NFILZ: variants seen among roughly 807,000 people sequenced by gnomAD.
NFILZ encodes the protein NFIL3 like basic leucine zipper.
At position 8,681,079 on chromosome 19, in the gene NFILZ, G is replaced by A. The variant is rs968800855; in HGVS notation, c.*3444G>A. 6.6e-6 allele frequency among the ~76,000 whole-genome samples: 1 copy of A among 152,098 alleles called. No homozygotes were observed. The highest frequency in any genetic ancestry group is 2.4e-5 in the African/African-American group (1 of 41,406). ...GGGGGACGTTTCCAAGTATATTTCTGTTGTAGTTCTCCCCTTACCTCCATC... is the reference window on the plus strand; with the variant it reads ...GGGGGACGTTTCCAAGTATATTTCTATTGTAGTTCTCCCCTTACCTCCATC... On this transcript the variant is annotated 3_prime_UTR_variant, in exon 6 of 6. Coordinates refer to ENST00000691075, the MANE Select transcript of NFILZ (RefSeq NM_001378600.1).
intron 3 of NFILZ, among the ~76,000 whole-genome samples, chr19:8,637,928 A>AAAAAAAAAAAAAAAAC: frequency 6.7e-6 from 1 of 149,292 alleles, no homozygotes; most frequent in African/African-American, 2.5e-5. Flanking sequence ...AAAAAAAAAA[A>AAAAAAAAAAAAAAAAC]AAAAAAGAAA....
chr19:8,658,813 A>C (rs2043016652), intron 3 of NFILZ, among the ~76,000 whole-genome samples: 1 of 152,212 alleles, frequency 6.6e-6, no homozygotes, highest in African/African-American at 2.4e-5. Flanking sequence ...TGCTGGGCGC[A>C]GTGGCTCATG....
intron 3 of NFILZ, among the ~76,000 whole-genome samples, chr19:8,642,648 C>T (rs2918319): frequency 0.015 from 2,246 of 152,098 alleles, 43 homozygotes; most frequent in African/African-American, 0.046. Flanking sequence ...GTGGCCTCTC[C>T]GGTGGGCTTG....
chr19:8,663,734 G>GTGTGTGTGTATGTGTGTGTA, intron 3 of NFILZ, among the ~76,000 whole-genome samples: 1 of 110,648 alleles, frequency 9.0e-6, no homozygotes, highest in African/African-American at 3.1e-5. Flanking sequence ...GTGTGTGTGT[G>GTGTGTGTGTATGTGTGTGTA]TGTGTGTGTG....
intron 3 of NFILZ, among the ~76,000 whole-genome samples, chr19:8,658,890 C>T (rs2043016980): frequency 6.6e-6 from 1 of 152,018 alleles, no homozygotes; most frequent in African/African-American, 2.4e-5. Context: ...GTCGAGGCTG[C>T]AGTGAGGTAT....
intron 3 of NFILZ, among the ~76,000 whole-genome samples, chr19:8,645,469 C>T (rs147320818): frequency 4.9e-4 from 75 of 152,106 alleles, no homozygotes; most frequent in African/African-American, 1.7e-3. Context: ...TCATGTTGTC[C>T]CCAGCCTCAG....
Position 8,656,477 on chromosome 19 carries a change from TCCC to T in NFILZ, c.-163-18073_-163-18071del. On this transcript the variant is annotated intron_variant, in intron 3 of 5. Coordinates refer to ENST00000691075, the MANE Select transcript of NFILZ (RefSeq NM_001378600.1). ...CACCTTCTCTCTGAAGCCCACCTTC[TCCC>T]GCAGCCCACCTTCTCCCGCAGCCCA... Among the ~76,000 whole-genome samples the T allele has an allele frequency of 5.8e-5, 2 of 34,420 alleles. 1 individual carries two copies. Among genetic ancestry groups the T allele is most frequent in the Admixed American group, 6.2e-4 (2 of 3,240 alleles). The allele number at this position is 34,420 out of a possible 152,430, so 22.6% of individuals were successfully genotyped here.
intron 2 of NFILZ, among the ~76,000 whole-genome samples, chr19:8,632,986 G>A (rs1555745718): frequency 6.7e-6 from 1 of 148,978 alleles, no homozygotes; most frequent in Non-Finnish European, 1.5e-5. Flanking sequence ...GCCTCCCAAA[G>A]TGCTGGGATT....
intron 3 of NFILZ, among the ~76,000 whole-genome samples, chr19:8,662,089 C>T (rs1264709972): frequency 1.3e-5 from 2 of 151,812 alleles, no homozygotes; most frequent in Non-Finnish European, 2.9e-5. Flanking sequence ...CCTGTAGTCC[C>T]GGCTACTTGG....
At chr19:8,651,256 G>C (rs2146147355) in intron 3 of NFILZ, among the ~76,000 whole-genome samples, 1 of 152,112 alleles carries the variant, frequency 6.6e-6, no homozygotes, top group East Asian at 1.9e-4. Context: ...CCGCCTCCCA[G>C]GTTCAAGCGA....
rs1291951260 is a variant in NFILZ at position 8,676,434 on chromosome 19, C to T, written c.-38C>T. On this transcript the variant is annotated 5_prime_UTR_variant, in exon 5 of 6. Coordinates refer to ENST00000691075, the MANE Select transcript of NFILZ (RefSeq NM_001378600.1). ...AACTCCAATTGAACTGAGCCCTGGG[C>T]TTGTCTGCTGACCTTCTCAACAGTA... is the stretch of plus-strand genomic sequence containing the variant. 1.3e-4 allele frequency among the ~76,000 whole-genome samples: 20 copies of T among 152,326 alleles called. No individual in the cohort carries two copies. The highest frequency in any genetic ancestry group is 4.3e-4 in the African/African-American group (18 of 41,564).
chr19:8,678,100 TCCA>T lies in NFILZ; in HGVS notation c.*466_*468del, dbSNP rs2043123767. ...TCAATCCATCCATCCATTCCATCCA[TCCA>T]TCCATCCATCCATCCATCCATCCCT... On this transcript the variant is annotated 3_prime_UTR_variant, in exon 6 of 6. Coordinates refer to ENST00000691075, the MANE Select transcript of NFILZ (RefSeq NM_001378600.1). Among the ~76,000 whole-genome samples, 1 of 82,290 alleles carries T rather than the reference TCCA, an allele frequency of 1.2e-5. No homozygotes were observed. The allele number at this position is 82,290 out of a possible 152,430, so 54.0% of individuals were successfully genotyped here.
intron 3 of NFILZ, among the ~76,000 whole-genome samples, chr19:8,642,784 T>C (rs1185963238): frequency 1.3e-5 from 2 of 152,010 alleles, no homozygotes; most frequent in East Asian, 1.9e-4. Flanking sequence ...AGCCATATGG[T>C]CAAACCCAGA....
At chr19:8,672,530 A>G (rs1388176997) in intron 3 of NFILZ, among the ~76,000 whole-genome samples, 1 of 152,110 alleles carries the variant, frequency 6.6e-6, no homozygotes, top group Non-Finnish European at 1.5e-5. Context: ...CCATACATTT[A>G]TTAGTTCATT....
At chr19:8,647,787 G>GCACA (rs1449771452) in intron 3 of NFILZ, among the ~76,000 whole-genome samples, 1 of 94,906 alleles carries the variant, frequency 1.1e-5, no homozygotes, top group African/African-American at 5.0e-5. Context: ...ATGCGCGCGC[G>GCACA]CGCGCGCGCA....
intron 3 of NFILZ, among the ~76,000 whole-genome samples, chr19:8,656,052 C>T (rs990425975): frequency 6.6e-6 from 1 of 152,066 alleles, no homozygotes; most frequent in Admixed American, 6.5e-5. Context: ...TCCTCATTGG[C>T]TTACTCTGAC....
chr19:8,647,816 CACACACACACACACACACACAA>C (rs1555747314), intron 3 of NFILZ, among the ~76,000 whole-genome samples: 3 of 148,398 alleles, frequency 2.0e-5, no homozygotes, highest in African/African-American at 7.6e-5. Flanking sequence ...CACACACACA[CACACACACACACACACACACAA>C]CTGGGGCCTG....
chr19:8,672,593 A>AGTTG (rs200605509), intron 3 of NFILZ, among the ~76,000 whole-genome samples: 3 of 149,096 alleles, frequency 2.0e-5, no homozygotes, highest in Non-Finnish European at 4.4e-5. Context: ...TGCATTTATT[A>AGTTG]ATTCAAAAAA....
chr19:8,644,694 G>C (rs1207964331), intron 3 of NFILZ, among the ~76,000 whole-genome samples: 2 of 151,686 alleles, frequency 1.3e-5, no homozygotes, highest in Non-Finnish European at 2.9e-5. Context: ...TTGAACTCCT[G>C]GGCTCAAGCA....
Sources: gnomAD v4.1 joint callset for allele counts (sites outside exome capture counted in the v4.1 genomes callset) on GRCh38, gnomAD v4.1.1 for gene constraint, MANE v1.5 for transcripts, NCBI Gene and HGNC (gene_info 2026-07-23, HGNC 2026-07-21) for gene names.